The following PPP1R17 variants were observed in gnomAD, a reference collection of about 807,000 sequenced individuals.
PPP1R17 encodes the protein G-substrate.
In PPP1R17, 12 loss-of-function variants were observed where a neutral mutation model predicts 15.9. The ratio of observed to expected loss-of-function variants is 0.75; its 90% CI spans 0.48 to 1.22. PPP1R17 has a LOEUF of 1.22. PPP1R17 is among the 50% of genes most tolerant of loss of function. PPP1R17 has a pLI of 0.00. For synonymous variants in PPP1R17, 63 were observed against 64.5 expected (o/e 0.98, Z 0.11); for missense variants, 211 against 187.3 (o/e 1.13, Z -0.74).
chr7:31,698,064 A>T (rs1034837189), intron 4 of PPP1R17, among the ~76,000 whole-genome samples: 1 of 152,244 alleles, frequency 6.6e-6, no homozygotes, highest in African/African-American at 2.4e-5. Context: ...ACCTAGGTCT[A>T]TCTCACCTTT....
rs780991639 is a variant in PPP1R17, at chr7:31,695,650, T to C, written c.235+29T>C. 10 of 1,572,624 alleles carry C rather than the reference T, an allele frequency of 6.4e-6. No homozygotes were observed. The South Asian group carries it at 1.1e-4, about 17-fold the overall frequency. On this transcript the variant is annotated intron_variant, in intron 3 of 4. Transcript: ENST00000342032. ...ATGGACAAAGTCATCTGCACAGCTG[T>C]AAAGGAGAGCCACTTGCCACTAGGT...
chr7:31,703,705 T>G (rs1792949674), intron 4 of PPP1R17, among the ~76,000 whole-genome samples: 1 of 152,204 alleles, frequency 6.6e-6, no homozygotes, highest in South Asian at 2.1e-4. Context: ...CTAATAAGGG[T>G]GTTGAGAGAA....
intron 1 of PPP1R17, among the ~76,000 whole-genome samples, chr7:31,687,840 C>T (rs1792169197): frequency 6.6e-6 from 1 of 152,184 alleles, no homozygotes; most frequent in Non-Finnish European, 1.5e-5. Flanking sequence ...GTGGATACAA[C>T]CTTCTACCCT....
intron 4 of PPP1R17, among the ~76,000 whole-genome samples, chr7:31,698,392 G>A (rs1240677056): frequency 6.6e-6 from 1 of 151,852 alleles, no homozygotes; most frequent in Non-Finnish European, 1.5e-5. Flanking sequence ...CTATCCCTTC[G>A]TCTTCACCAC....
intron 2 of PPP1R17, among the ~76,000 whole-genome samples, chr7:31,694,270 G>A (rs929334403): frequency 1.3e-5 from 2 of 152,086 alleles, no homozygotes; most frequent in African/African-American, 4.8e-5. Context: ...CCTAAGTTTA[G>A]TGGAAGGTTA....
chr7:31,695,344 C>T (rs771357939), intron 2 of PPP1R17, 125 bp from the exon 3 acceptor site: 4 of 796,178 alleles, frequency 5.0e-6, no homozygotes, highest in Non-Finnish European at 7.5e-6. Context: ...AATAAATAAA[C>T]ACTTTTCCTT....
intron 2 of PPP1R17, among the ~76,000 whole-genome samples, chr7:31,695,190 C>T (rs564667339): frequency 1.6e-4 from 25 of 152,232 alleles, no homozygotes; most frequent in Non-Finnish European, 2.8e-4. Context: ...TGTGGCTTGC[C>T]GGACCATATT....
chr7:31,697,564 C>CA (rs559557009), intron 4 of PPP1R17, among the ~76,000 whole-genome samples: 17 of 151,986 alleles, frequency 1.1e-4, no homozygotes, highest in South Asian at 1.0e-3. Flanking sequence ...TCAAATCAAA[C>CA]AAAAAAAATC....
rs149998150 is a variant in PPP1R17, at chr7:31,692,494, A to G, written c.53A>G (p.Asp18Gly). 1.4e-5 allele frequency: 22 copies of G among 1,610,694 alleles called. No homozygotes were observed. The African/African-American group carries it at 2.8e-4, about 21-fold the overall frequency. Residue 18 changes from aspartate (D) to glycine (G), a missense_variant, in exon 2 of 5, where the codon GAC becomes GGC. Coordinates refer to ENST00000342032, the MANE Select transcript of PPP1R17 (RefSeq NM_006658.5). ...QPLELSEDRL[D>G]KLDPRCSHLD... The stretch of plus-strand genomic sequence containing the variant: ...CTGGAACTCTCAGAAGACAGACTGG[A>G]CAAGCTAGACCCTCGTTGCAGCCAC...
chr7:31,692,284 A>T (rs927542232), intron 1 of PPP1R17, 122 bp from the exon 2 acceptor site: 1 of 602,082 alleles, frequency 1.7e-6, no homozygotes, highest in African/African-American at 1.9e-5. Context: ...AGCACACATA[A>T]AGAAACAGGA....
chr7:31,701,442 T>C (rs1792844645), intron 4 of PPP1R17, among the ~76,000 whole-genome samples: 1 of 152,176 alleles, frequency 6.6e-6, no homozygotes. Context: ...GCAAAGAAAA[T>C]GGTTTCTTGA....
intron 4 of PPP1R17, among the ~76,000 whole-genome samples, chr7:31,702,175 A>G (rs1207033054): frequency 2.6e-5 from 4 of 151,404 alleles, no homozygotes; most frequent in Non-Finnish European, 2.9e-5. Context: ...TAGAATTGTG[A>G]TATGGCTTAA....
Position 31,707,966 on chromosome 7 carries a change from T to C in PPP1R17, c.*683T>C, listed in dbSNP as rs1724101986. 1 of 152,232 alleles carries C rather than the reference T, an allele frequency of 6.6e-6. No homozygotes were observed. The highest frequency in any genetic ancestry group is 6.5e-5 in the Admixed American group (1 of 15,280). 9.4% of individuals were successfully genotyped at this position (152,232 alleles called of 1,614,324 possible). A position where few individuals can be genotyped will look rare whatever the true frequency, so the allele number is the denominator to read the frequency against. On this transcript the variant is annotated 3_prime_UTR_variant, in exon 5 of 5. Coordinates refer to ENST00000342032, the MANE Select transcript of PPP1R17 (RefSeq NM_006658.5). ...GTATCTTCAAATTTATTTTTGTTTTTAAAAATATTTCTTAAACATGCTGTC... is the reference window on the plus strand; with the variant it reads ...GTATCTTCAAATTTATTTTTGTTTTCAAAAATATTTCTTAAACATGCTGTC...
intron 2 of PPP1R17, 65 bp downstream of exon 2, chr7:31,692,588 G>A: frequency 6.8e-7 from 1 of 1,480,482 alleles, no homozygotes; most frequent in Non-Finnish European, 9.4e-7. Flanking sequence ...TCAGCCATTT[G>A]GTTTGCAGGC....
intron 4 of PPP1R17, among the ~76,000 whole-genome samples, chr7:31,704,770 A>T (rs962362809): frequency 3.3e-5 from 5 of 152,200 alleles, no homozygotes; most frequent in Non-Finnish European, 7.3e-5. Flanking sequence ...GTGAGTGCTC[A>T]AGGCTTAATG....
chr7:31,696,352 A>G (rs914315848), intron 3 of PPP1R17, among the ~76,000 whole-genome samples: 1 of 152,238 alleles, frequency 6.6e-6, no homozygotes, highest in African/African-American at 2.4e-5. Context: ...ACAACAGCAC[A>G]TAATAGCTGA....
rs149705159 is a variant in PPP1R17, at chr7:31,707,166, A to T, written c.389-38A>T. 377 of 1,576,886 alleles carry T rather than the reference A, an allele frequency of 2.4e-4. No homozygotes were observed. In the African/African-American group the frequency reaches 4.0e-3, roughly 17 times the overall value. On this transcript the variant is annotated intron_variant, in intron 4 of 4. Coordinates refer to ENST00000342032, the MANE Select transcript of PPP1R17 (RefSeq NM_006658.5). ...TGCAACGTTGCCTAATGTTTTAATT[A>T]GAGGTACTTAATTGCAGGTCTGTGC...
chr7:31,698,381 T>C (rs1265973795), intron 4 of PPP1R17, among the ~76,000 whole-genome samples: 1 of 152,170 alleles, frequency 6.6e-6, no homozygotes, highest in Non-Finnish European at 1.5e-5. Context: ...ATTACCTCTA[T>C]CTATCCCTTC....
chr7:31,703,669 G>A (rs1006840885), intron 4 of PPP1R17, among the ~76,000 whole-genome samples: 5 of 152,234 alleles, frequency 3.3e-5, no homozygotes, highest in African/African-American at 1.2e-4. Context: ...GCCTTCGGCA[G>A]ATGTTCAGAA....
Sources: allele counts gnomAD v4.1 joint callset (sites outside exome capture counted in the v4.1 genomes callset), GRCh38; gene constraint gnomAD v4.1.1; transcripts MANE v1.5; gene names NCBI Gene and HGNC (gene_info 2026-07-23, HGNC 2026-07-21).